Variants in GRM8 observed in about 807,000 individuals in gnomAD.
GRM8 encodes the protein glutamate metabotropic receptor 8, also known as metabotropic glutamate receptor 8.
In GRM8, 47 loss-of-function variants were observed where a neutral mutation model predicts 87.2. The ratio of observed to expected loss-of-function variants is 0.54; its 90% CI spans 0.43 to 0.69. The LOEUF is 0.69. GRM8 is among the 30% of genes least tolerant of loss of function. GRM8 has a pLI of 0.00. For synonymous variants in GRM8, 396 were observed against 404.5 expected (o/e 0.98, Z 0.25); for missense variants, 1,019 against 1,139.2 (o/e 0.89, Z 1.52).
chr7:126,868,375 C>T (rs534111582), intron 6 of GRM8, among the ~76,000 whole-genome samples: 133 of 152,316 alleles, frequency 8.7e-4, no homozygotes, highest in African/African-American at 3.1e-3. Flanking sequence ...ACCACTGTGT[C>T]CCTAGTGAAC....
At chr7:127,211,285 A>G (rs1401666317) in intron 2 of GRM8, among the ~76,000 whole-genome samples, 1 of 152,212 alleles carries the variant, frequency 6.6e-6, no homozygotes, top group East Asian at 1.9e-4. Flanking sequence ...CACTAGGGTA[A>G]GTCCAAGAGT....
chr7:127,248,747 T>C (rs1798707978), intron 1 of GRM8, among the ~76,000 whole-genome samples: 1 of 152,232 alleles, frequency 6.6e-6, no homozygotes, highest in Non-Finnish European at 1.5e-5. Flanking sequence ...ACTGGTGTAT[T>C]GTACTTAGAA....
chr7:127,171,996 CAAAAT>C (rs1486761537), intron 2 of GRM8, among the ~76,000 whole-genome samples: 2 of 150,006 alleles, frequency 1.3e-5, no homozygotes, highest in Non-Finnish European at 3.0e-5. Flanking sequence ...ACAGAAGATT[CAAAAT>C]AAATAATTAT....
At chr7:126,714,944 T>C (rs1811556754) in intron 7 of GRM8, among the ~76,000 whole-genome samples, 1 of 152,214 alleles carries the variant, frequency 6.6e-6, no homozygotes, top group African/African-American at 2.4e-5. Context: ...TATTTATCGA[T>C]ATCATAAGTG....
intron 7 of GRM8, among the ~76,000 whole-genome samples, chr7:126,753,035 A>G (rs968142182): frequency 8.5e-5 from 13 of 152,076 alleles, no homozygotes; most frequent in African/African-American, 2.7e-4. Context: ...AATCTGTTCA[A>G]TGACTAGCTT....
intron 3 of GRM8, among the ~76,000 whole-genome samples, chr7:126,935,539 G>A (rs1806222444): frequency 6.6e-6 from 1 of 152,162 alleles, no homozygotes; most frequent in African/African-American, 2.4e-5. Flanking sequence ...TGGACATGGG[G>A]GAGGAGAAGA....
chr7:126,842,431 G>C (rs1796363110), intron 6 of GRM8, among the ~76,000 whole-genome samples: 1 of 152,220 alleles, frequency 6.6e-6, no homozygotes, highest in Non-Finnish European at 1.5e-5. Flanking sequence ...TTTAACTTCT[G>C]AAACAGGAAA....
At chr7:126,508,390 G>A (rs1016842603) in intron 9 of GRM8, among the ~76,000 whole-genome samples, 3 of 151,916 alleles carry the variant, frequency 2.0e-5, no homozygotes, top group African/African-American at 7.2e-5. Context: ...AATGACAAAA[G>A]AGAGAGCCCA....
At chr7:126,640,010 T>C (rs535472720) in intron 7 of GRM8, among the ~76,000 whole-genome samples, 1 of 152,304 alleles carries the variant, frequency 6.6e-6, no homozygotes, top group East Asian at 1.9e-4. Flanking sequence ...AATGGGTCTG[T>C]GATTTCAAAT....
chr7:126,938,375 T>C (rs780004803), intron 3 of GRM8, among the ~76,000 whole-genome samples: 2 of 152,170 alleles, frequency 1.3e-5, no homozygotes, highest in Non-Finnish European at 2.9e-5. Flanking sequence ...ACAACATCTA[T>C]GTTGTTTGAA....
intron 3 of GRM8, among the ~76,000 whole-genome samples, chr7:126,987,372 T>C (rs1024956152): frequency 1.3e-5 from 2 of 152,082 alleles, no homozygotes; most frequent in Non-Finnish European, 2.9e-5. Flanking sequence ...TTTTCTCCTA[T>C]AGCAACACCT....
chr7:126,602,426 G>A lies in GRM8; in HGVS notation c.1494+6936C>T, dbSNP rs542006828. Among the ~76,000 whole-genome samples, 5 of 105,860 alleles carry A rather than the reference G, an allele frequency of 4.7e-5. No homozygotes were observed. The South Asian group carries it at 1.1e-3, about 24-fold the overall frequency. 69.4% of individuals were successfully genotyped at this position (105,860 alleles called of 152,430 possible). ...GACTTGGCGATGCGGGCTCTTTTTC[G>A]GTTCCATATGAACTTTAAAGTAGTT... On this transcript the variant is annotated intron_variant, in intron 8 of 10. Coordinates refer to ENST00000339582, the MANE Select transcript of GRM8 (RefSeq NM_000845.3).
intron 7 of GRM8, among the ~76,000 whole-genome samples, chr7:126,696,602 TTTTA>T (rs144385731): frequency 0.12 from 18,154 of 152,118 alleles, 1,459 homozygotes; most frequent in Non-Finnish European, 0.15. Context: ...AAGGTTGTGT[TTTTA>T]TTTATTTATT....
intron 3 of GRM8, among the ~76,000 whole-genome samples, chr7:126,989,394 A>G (rs984428444): frequency 6.6e-5 from 10 of 152,226 alleles, no homozygotes. Context: ...TTGCCAGCTT[A>G]AATTCTATTA....
chr7:126,477,540 G>C (rs1806072743), intron 9 of GRM8, among the ~76,000 whole-genome samples: 1 of 142,954 alleles, frequency 7.0e-6, no homozygotes, highest in Non-Finnish European at 1.5e-5. Flanking sequence ...TCAATAAAGA[G>C]ACTGAGAAAA....
chr7:126,757,354 T>C (rs10271146), intron 7 of GRM8, among the ~76,000 whole-genome samples: 59,367 of 151,886 alleles, frequency 0.39, 12,797 homozygotes, highest in Non-Finnish European at 0.48. Context: ...GGGGTTTGTT[T>C]TGGTGTTCTG....
At chr7:126,665,876 A>G (rs888233418) in intron 7 of GRM8, among the ~76,000 whole-genome samples, 10 of 152,114 alleles carry the variant, frequency 6.6e-5, no homozygotes, top group Admixed American at 2.6e-4. Context: ...ATTGTTTTCA[A>G]TAATCTTCTT....
chr7:126,972,493 A>G (rs1810526860), intron 3 of GRM8, among the ~76,000 whole-genome samples: 1 of 151,806 alleles, frequency 6.6e-6, no homozygotes, highest in Non-Finnish European at 1.5e-5. Flanking sequence ...CTTAATGTCA[A>G]TCACCTTTTT....
chr7:126,957,824 C>T (rs958009020), intron 3 of GRM8, among the ~76,000 whole-genome samples: 6 of 152,202 alleles, frequency 3.9e-5, no homozygotes, highest in African/African-American at 1.2e-4. Flanking sequence ...GGTGGATCCT[C>T]GCCCACTTAC....
Sources: gnomAD v4.1 joint callset for allele counts (sites outside exome capture counted in the v4.1 genomes callset) on GRCh38, gnomAD v4.1.1 for gene constraint, MANE v1.5 for transcripts, NCBI Gene and HGNC (gene_info 2026-07-23, HGNC 2026-07-21) for gene names.